ITGA9: variants seen among roughly 807,000 people sequenced by gnomAD.
The protein encoded by ITGA9 is integrin subunit alpha 9, also known as integrin alpha-9.
Under a neutral mutation model 127.8 loss-of-function variants are expected in ITGA9, and 56 were observed. That is an observed-to-expected ratio of 0.44 (90% CI 0.35 to 0.55). The LOEUF (loss-of-function observed/expected upper bound fraction) is 0.55, where lower values mean the gene tolerates loss of function less well. Ranked by LOEUF, ITGA9 falls within the 20% of genes least tolerant of loss-of-function variation. The pLI, the probability that ITGA9 is intolerant of heterozygous loss-of-function variation, is 0.00. For synonymous variants in ITGA9, 508 were observed against 514.5 expected (o/e 0.99, Z 0.17); for missense variants, 1,196 against 1,347.1 (o/e 0.89, Z 1.76).
At chr3:37,649,430 A>C (rs991638936) in intron 16 of ITGA9, among the ~76,000 whole-genome samples, 1 of 152,190 alleles carries the variant, frequency 6.6e-6, no homozygotes, top group African/African-American at 2.4e-5. Flanking sequence ...GGAGTGGTTA[A>C]TACTTATATC....
intron 11 of ITGA9, among the ~76,000 whole-genome samples, chr3:37,520,273 G>T (rs114251744): frequency 1.3e-5 from 2 of 152,160 alleles, no homozygotes; most frequent in South Asian, 4.1e-4. Context: ...TGCCTCACCT[G>T]CAGGAGACAG....
At chr3:37,494,259 C>T (rs141351543) in intron 4 of ITGA9, among the ~76,000 whole-genome samples, 2 of 152,288 alleles carry the variant, frequency 1.3e-5, no homozygotes, top group South Asian at 2.1e-4. Context: ...TTCTCGCACA[C>T]GAGGGGAGGA....
chr3:37,488,594 C>T lies in ITGA9; in HGVS notation c.545-5907C>T, dbSNP rs148682504. ...GGCAGATCACCTGAAGTCAGGAGTTCGAGACCAGCCTGACCAACATGGTGA... is the reference window on the plus strand; with the variant it reads ...GGCAGATCACCTGAAGTCAGGAGTTTGAGACCAGCCTGACCAACATGGTGA... On this transcript the variant is annotated intron_variant, in intron 4 of 27. Coordinates refer to ENST00000264741, the MANE Select transcript of ITGA9 (RefSeq NM_002207.3). Among the ~76,000 whole-genome samples, 1,181 of 151,992 alleles carry T rather than the reference C, an allele frequency of 7.8e-3. 15 individuals carry two copies. The highest frequency in any genetic ancestry group is 0.026 in the African/African-American group (1,092 of 41,446).
intron 4 of ITGA9, among the ~76,000 whole-genome samples, chr3:37,485,358 T>TTG (rs1230136366): frequency 1.3e-5 from 2 of 151,988 alleles, no homozygotes; most frequent in Non-Finnish European, 1.5e-5. Flanking sequence ...AACCCACTTC[T>TTG]TGTGGGATGG....
At chr3:37,703,751 G>A (rs1403653611) in intron 18 of ITGA9, among the ~76,000 whole-genome samples, 1 of 152,218 alleles carries the variant, frequency 6.6e-6, no homozygotes, top group African/African-American at 2.4e-5. Context: ...CTTACTGAGA[G>A]CTTGTTTATG....
chr3:37,750,357 T>A (rs1216441838), intron 22 of ITGA9, 105 bp from the exon 23 acceptor site: 1 of 774,914 alleles, frequency 1.3e-6, no homozygotes, highest in African/African-American at 1.7e-5. Context: ...AACCTTAGAG[T>A]TTCTGTATGT....
chr3:37,589,023 T>C (rs1055815177), intron 15 of ITGA9, among the ~76,000 whole-genome samples: 1 of 152,236 alleles, frequency 6.6e-6, no homozygotes, highest in Non-Finnish European at 1.5e-5. Flanking sequence ...GGAAACAGGC[T>C]GTGGTGCATA....
Position 37,597,890 on chromosome 3 carries a change from G to A in ITGA9, c.1690-31297G>A, listed in dbSNP as rs1014814517. On this transcript the variant is annotated intron_variant, in intron 15 of 27. Transcript: ENST00000264741. This position sits in a 1 kb window ranked among gnomAD's most constrained non-coding sequence, Gnocchi z 4.6. The stretch of plus-strand genomic sequence containing the variant: ...GGGGTGACTGGGGCAACTCAGCACC[G>A]CTCCATGCATATCTCACTGTCCAAC... Among the ~76,000 whole-genome samples, 16 of 152,176 alleles carry A rather than the reference G, an allele frequency of 1.1e-4. No homozygotes were observed. Among genetic ancestry groups the A allele is most frequent in the African/African-American group, 3.4e-4 (14 of 41,440 alleles).
At chr3:37,715,392 T>C (rs566523639) in intron 18 of ITGA9, among the ~76,000 whole-genome samples, 1 of 152,276 alleles carries the variant, frequency 6.6e-6, no homozygotes, top group African/African-American at 2.4e-5. Flanking sequence ...GAAAAAAACA[T>C]AATCATTGTG....
At chr3:37,624,752 G>A (rs541074936) in intron 15 of ITGA9, among the ~76,000 whole-genome samples, 10 of 152,164 alleles carry the variant, frequency 6.6e-5, no homozygotes, top group South Asian at 4.2e-4. Context: ...GATTATAGGC[G>A]TGCTCCACCA....
In ITGA9 at chr3:37,665,113, C is replaced by T. The variant is rs189599068; in HGVS notation, c.1916+11323C>T. Among the ~76,000 whole-genome samples the T allele has an allele frequency of 5.5e-4, 83 of 151,786 alleles. 1 individual carries two copies. Among genetic ancestry groups the T allele is most frequent in the African/African-American group, 2.0e-3 (82 of 41,394 alleles). On this transcript the variant is annotated intron_variant, in intron 17 of 27. Coordinates refer to ENST00000264741, the MANE Select transcript of ITGA9 (RefSeq NM_002207.3). The stretch of plus-strand genomic sequence containing the variant: ...TCAGCCTCCCGAGTAGCTGGGATTA[C>T]AGGTACCCACCATCATGCCCAGCTA...
At chr3:37,477,785 G>T (rs1414502816) in intron 3 of ITGA9, among the ~76,000 whole-genome samples, 1 of 152,136 alleles carries the variant, frequency 6.6e-6, no homozygotes, top group African/African-American at 2.4e-5. Context: ...ACTTGCCAAG[G>T]CTCAGACAAC....
In ITGA9 at chr3:37,800,611, T is replaced by A. The variant is rs1041455792; in HGVS notation, c.2890-3212T>A. On this transcript the variant is annotated intron_variant, in intron 26 of 27. Coordinates refer to ENST00000264741, the MANE Select transcript of ITGA9 (RefSeq NM_002207.3). Reference sequence around the variant, plus strand: ...ATGAGAGCTGCTCATTTGAACTAGATAGAAAATAGTGGATTTAGGATGACA... The same window carrying A: ...ATGAGAGCTGCTCATTTGAACTAGAAAGAAAATAGTGGATTTAGGATGACA... Among the ~76,000 whole-genome samples, 4 of 152,274 alleles carry A rather than the reference T, an allele frequency of 2.6e-5. No homozygotes were observed. In the South Asian group the frequency reaches 8.3e-4, roughly 32 times the overall value.
intron 18 of ITGA9, among the ~76,000 whole-genome samples, chr3:37,684,539 A>G (rs1700763350): frequency 6.6e-6 from 1 of 152,180 alleles, no homozygotes. Flanking sequence ...GCAGTGCCAC[A>G]ATCTTGGCTC....
chr3:37,533,143 A>C (rs1391043562), intron 13 of ITGA9, among the ~76,000 whole-genome samples, 171 bp from the exon 14 acceptor site: 1 of 152,126 alleles, frequency 6.6e-6, no homozygotes, highest in African/African-American at 2.4e-5. Flanking sequence ...CCCTTCTAAA[A>C]CCAGAAAAAA....
At chr3:37,608,845 T>C (rs1242256541) in intron 15 of ITGA9, among the ~76,000 whole-genome samples, 1 of 152,172 alleles carries the variant, frequency 6.6e-6, no homozygotes, top group African/African-American at 2.4e-5. Flanking sequence ...AAGTGGAGGC[T>C]ATTAAGACCT....
At chr3:37,738,355 C>T (rs1696391363) in intron 20 of ITGA9, among the ~76,000 whole-genome samples, 1 of 152,222 alleles carries the variant, frequency 6.6e-6, no homozygotes, top group African/African-American at 2.4e-5. Context: ...GCAAGAAGCC[C>T]TGTTACACCT....
At chr3:37,480,990 C>G (rs1698546118) in intron 3 of ITGA9, among the ~76,000 whole-genome samples, 1 of 152,222 alleles carries the variant, frequency 6.6e-6, no homozygotes, top group Non-Finnish European at 1.5e-5. Flanking sequence ...CTACGTCCCC[C>G]TGTGGTCCAA....
intron 13 of ITGA9, among the ~76,000 whole-genome samples, chr3:37,532,802 C>T (rs1699167318): frequency 6.6e-6 from 1 of 152,162 alleles, no homozygotes; most frequent in Non-Finnish European, 1.5e-5. Context: ...TAGGAAATTA[C>T]CCAATGAATT....
Sources: allele counts gnomAD v4.1 joint callset (sites outside exome capture counted in the v4.1 genomes callset), GRCh38; gene constraint gnomAD v4.1.1; non-coding constraint Gnocchi (gnomAD v3.1); transcripts MANE v1.5; gene names NCBI Gene and HGNC (gene_info 2026-07-23, HGNC 2026-07-21).